The following CCDC171 variants were observed in gnomAD, a reference collection of about 807,000 sequenced individuals.
The protein encoded by CCDC171 is coiled-coil domain-containing protein 171.
Under a neutral mutation model 168.2 loss-of-function variants are expected in CCDC171, and 177 were observed. The observed-to-expected ratio is 1.05, with a 90% CI of 0.93 to 1.19. CCDC171 has a LOEUF of 1.19. Among genes scored for constraint, CCDC171 ranks in the 50% most tolerant of loss-of-function variants. CCDC171 has a pLI of 0.00. For synonymous variants in CCDC171, 687 were observed against 540.8 expected (o/e 1.27, Z -3.75); for missense variants, 1,991 against 1,539.0 (o/e 1.29, Z -4.91).
rs1450702847 is a variant in CCDC171 at position 15,772,125 on chromosome 9, C to T, written c.2672-5475C>T. On this transcript the variant is annotated intron_variant, in intron 18 of 25. Transcript: ENST00000380701. ...CTGGGATTACAGGCATAATTCACCA[C>T]GCCTGGCCTGCACCAGTATTTTTAA... is the stretch of plus-strand genomic sequence containing the variant. 3.3e-5 allele frequency among the ~76,000 whole-genome samples: 5 copies of T among 152,172 alleles called. No individual in the cohort carries two copies. The South Asian group carries it at 8.3e-4, about 25-fold the overall frequency.
At chr9:15,568,138 G>C (rs543399023) in intron 2 of CCDC171, among the ~76,000 whole-genome samples, 1 of 151,996 alleles carries the variant, frequency 6.6e-6, no homozygotes, top group South Asian at 2.1e-4. Context: ...TTTCTTAGTG[G>C]ATTTCTAGAA....
At chr9:15,765,976 A>T (rs1272470201) in intron 18 of CCDC171, among the ~76,000 whole-genome samples, 3 of 152,188 alleles carry the variant, frequency 2.0e-5, no homozygotes, top group Non-Finnish European at 4.4e-5. Flanking sequence ...AAATAAAGAC[A>T]GTACCTCCCT....
intron 7 of CCDC171, among the ~76,000 whole-genome samples, chr9:15,645,038 A>G (rs1371022222): frequency 6.6e-6 from 1 of 152,198 alleles, no homozygotes; most frequent in Non-Finnish European, 1.5e-5. Context: ...CCCCTCTGTG[A>G]CGAAGCTTCC....
intron 1 of CCDC171, among the ~76,000 whole-genome samples, chr9:16,051,293 C>T (rs1414618520): frequency 6.6e-6 from 1 of 152,180 alleles, no homozygotes; most frequent in Non-Finnish European, 1.5e-5. Flanking sequence ...CCTCTGACCT[C>T]AGTTTCCTTA....
At chr9:16,012,227 C>A (rs10962251) in intron 3 of CCDC171, among the ~76,000 whole-genome samples, 49,819 of 152,028 alleles carry the variant, frequency 0.33, 8,442 homozygotes, top group Non-Finnish European at 0.36. Context: ...ATGGCCACAG[C>A]ATCCATGAAT....
At position 15,883,176 on chromosome 9, in the gene CCDC171, G is replaced by A. The variant is rs533741151; in HGVS notation, c.3600+8513G>A. 8.1e-5 allele frequency: 23 copies of A among 285,314 alleles called. No homozygotes were observed. The East Asian group carries it at 8.5e-4, about 11-fold the overall frequency. 17.7% of individuals were successfully genotyped at this position (285,314 alleles called of 1,614,324 possible). Reference sequence around the variant, plus strand: ...GCTGAGTACCTAGGACCACAGGTGCGCACCACCATACCCAGGTAATATTTT... The same window carrying A: ...GCTGAGTACCTAGGACCACAGGTGCACACCACCATACCCAGGTAATATTTT... On this transcript the variant is annotated intron_variant, in intron 24 of 25. Coordinates refer to ENST00000380701, the MANE Select transcript of CCDC171 (RefSeq NM_173550.4).
intron 8 of CCDC171, among the ~76,000 whole-genome samples, chr9:15,662,824 T>A (rs910081105): frequency 6.6e-6 from 1 of 151,262 alleles, no homozygotes; most frequent in Non-Finnish European, 1.5e-5. Context: ...AAAAAAAAAA[T>A]ACCAAAATTA....
chr9:15,574,616 G>T (rs1046877115), intron 3 of CCDC171, among the ~76,000 whole-genome samples: 3 of 152,120 alleles, frequency 2.0e-5, no homozygotes. Flanking sequence ...GATCATACTT[G>T]TATTATGTAG....
chr9:15,935,748 A>G (rs1827034562), intron 25 of CCDC171, among the ~76,000 whole-genome samples: 1 of 152,058 alleles, frequency 6.6e-6, no homozygotes, highest in Admixed American at 6.6e-5. Flanking sequence ...GATACTTAAT[A>G]TGTTAGGAAT....
chr9:15,830,745 A>G (rs908500918), intron 21 of CCDC171, among the ~76,000 whole-genome samples: 2 of 150,374 alleles, frequency 1.3e-5, no homozygotes, highest in African/African-American at 5.0e-5. Flanking sequence ...GGTATTATGC[A>G]TATTTACAGT....
At chr9:15,907,042 G>A (rs541605143) in intron 24 of CCDC171, among the ~76,000 whole-genome samples, 1 of 152,234 alleles carries the variant, frequency 6.6e-6, no homozygotes, top group South Asian at 2.1e-4. Flanking sequence ...CCATGCTCAT[G>A]GGTAGGAAGA....
chr9:16,042,569 A>G (rs1833589787), upstream of CCDC171, among the ~76,000 whole-genome samples: 1 of 152,320 alleles, frequency 6.6e-6, no homozygotes. Context: ...AGAGGATTAA[A>G]TGAGAAGACT....
intron 6 of CCDC171, among the ~76,000 whole-genome samples, chr9:15,597,768 C>T (rs545004988): frequency 6.6e-6 from 1 of 152,272 alleles, no homozygotes; most frequent in East Asian, 1.9e-4. Flanking sequence ...GTGAATCCAT[C>T]TGGTTCTGGA....
At chr9:15,819,676 C>T (rs1301648033) in intron 21 of CCDC171, among the ~76,000 whole-genome samples, 3 of 116,972 alleles carry the variant, frequency 2.6e-5, no homozygotes, top group African/African-American at 9.7e-5. Flanking sequence ...ACAGGAACAC[C>T]CAGATTCATA....
chr9:15,678,913 A>T lies in CCDC171; in HGVS notation c.1215+17A>T. 1.9e-6 allele frequency: 3 copies of T among 1,559,652 alleles called. No individual in the cohort carries two copies. The highest frequency in any genetic ancestry group is 2.6e-6 in the Non-Finnish European group (3 of 1,155,636). The stretch of plus-strand genomic sequence containing the variant: ...CTAGTAATGGTAAGGATAAAAAAGA[A>T]AACCCTATGGAAATCACTTTATTAG... On this transcript the variant is annotated intron_variant, in intron 10 of 25. Coordinates refer to ENST00000380701, the MANE Select transcript of CCDC171 (RefSeq NM_173550.4).
At chr9:15,952,868 G>A (rs550872354) in intron 25 of CCDC171, among the ~76,000 whole-genome samples, 119 of 152,140 alleles carry the variant, frequency 7.8e-4, no homozygotes, top group South Asian at 1.0e-3. Flanking sequence ...GCAATGTTTT[G>A]TAGTATCCAT....
chr9:16,054,905 C>G lies in CCDC171; in HGVS notation n.90-5741C>G, dbSNP rs74535319. On this transcript the variant is annotated intron_variant and non_coding_transcript_variant, in intron 1 of 1. Transcript: ENST00000478913. ...CCCCACACACATATATCCAAACACG[C>G]AGGGCGGGGGGCAGGTGGAACTACC... Among the ~76,000 whole-genome samples, 638 of 152,278 alleles carry G rather than the reference C, an allele frequency of 4.2e-3. 4 individuals carry two copies. The highest frequency in any genetic ancestry group is 0.015 in the African/African-American group (612 of 41,554).
Position 15,553,321 on chromosome 9 carries a change from G to C in CCDC171, c.-112+19G>C, listed in dbSNP as rs2038487204. The C allele has an allele frequency of 6.6e-6, 1 of 152,506 alleles. No homozygotes were observed. Among genetic ancestry groups the C allele is most frequent in the Non-Finnish European group, 1.5e-5 (1 of 68,384 alleles). 9.4% of individuals were successfully genotyped at this position (152,506 alleles called of 1,614,324 possible). On this transcript the variant is annotated intron_variant, in intron 1 of 25. Coordinates refer to ENST00000380701, the MANE Select transcript of CCDC171 (RefSeq NM_173550.4). ...CCCTGAGGTAACCGCACGGTGTGGG[G>C]GCTTCGAGGCGGACGACTTGGGAGG...
At chr9:15,564,598 G>A (rs928135089) in intron 2 of CCDC171, among the ~76,000 whole-genome samples, 5 of 152,134 alleles carry the variant, frequency 3.3e-5, no homozygotes, top group African/African-American at 7.2e-5. Context: ...CCTTCAAGAC[G>A]TAACGCCTAA....
Sources: gnomAD v4.1 joint callset for allele counts (sites outside exome capture counted in the v4.1 genomes callset) on GRCh38, gnomAD v4.1.1 for gene constraint, MANE v1.5 for transcripts, NCBI Gene and HGNC (gene_info 2026-07-23, HGNC 2026-07-21) for gene names.